BRINP1: variants seen among roughly 807,000 people sequenced by gnomAD.
BRINP1 encodes BMP/retinoic acid inducible neural specific 1.
BRINP1 carries 17 observed loss-of-function variants against 72.9 expected under a neutral mutation model. The ratio of observed to expected loss-of-function variants is 0.23; its 90% CI spans 0.16 to 0.35. The LOEUF is 0.35. BRINP1 is among the 10% of genes least tolerant of loss of function. The probability of loss-of-function intolerance (pLI) is 1.00; values close to 1 mark genes in which losing one functional copy is unlikely to be tolerated. For missense variants in BRINP1, 850 were observed against 1,001.6 expected (o/e 0.85, Z 2.04); for synonymous variants, 418 against 378.5 (o/e 1.10, Z -1.21).
chr9:119,214,729 GA>G (rs1215676684), intron 5 of BRINP1, among the ~76,000 whole-genome samples: 7 of 152,120 alleles, frequency 4.6e-5, no homozygotes, highest in African/African-American at 1.7e-4. Flanking sequence ...AACAGCAGAA[GA>G]CTGCAAATAA....
intron 1 of BRINP1, among the ~76,000 whole-genome samples, chr9:119,339,798 C>G (rs547847168): frequency 7.7e-4 from 117 of 152,332 alleles, no homozygotes; most frequent in Non-Finnish European, 3.8e-4. Context: ...CCCACTACAG[C>G]ACAGCAAATG....
chr9:119,328,164 G>A (rs1831258293), intron 1 of BRINP1, among the ~76,000 whole-genome samples: 1 of 152,172 alleles, frequency 6.6e-6, no homozygotes, highest in Non-Finnish European at 1.5e-5. Context: ...CAAAGCCAGG[G>A]GAGCAGGGGT....
intron 2 of BRINP1, among the ~76,000 whole-genome samples, chr9:119,294,820 C>T (rs906825006): frequency 6.9e-6 from 1 of 144,244 alleles, no homozygotes; most frequent in African/African-American, 2.5e-5. Context: ...CACACCACTG[C>T]ACTCTAGCCT....
intron 1 of BRINP1, among the ~76,000 whole-genome samples, chr9:119,340,230 A>C (rs888196487): frequency 1.3e-5 from 2 of 152,232 alleles, no homozygotes; most frequent in Non-Finnish European, 1.5e-5. Context: ...AAAAATAAAA[A>C]TGGAACAAAG....
chr9:119,250,122 G>A (rs1324396808), intron 2 of BRINP1, among the ~76,000 whole-genome samples: 5 of 93,098 alleles, frequency 5.4e-5, no homozygotes, highest in Non-Finnish European at 1.1e-4. Flanking sequence ...GGGAGGGAGG[G>A]AAGGAGGGAG....
At chr9:119,287,467 G>A (rs1375273900) in intron 2 of BRINP1, among the ~76,000 whole-genome samples, 1 of 152,140 alleles carries the variant, frequency 6.6e-6, no homozygotes, top group African/African-American at 2.4e-5. Flanking sequence ...ATAATCACAT[G>A]TCTACACTAG....
At chr9:119,207,021 G>A (rs184661176) in intron 7 of BRINP1, among the ~76,000 whole-genome samples, 1 of 152,288 alleles carries the variant, frequency 6.6e-6, no homozygotes, top group East Asian at 1.9e-4. Context: ...GGAGGGAATA[G>A]GGAAAACAGA....
intron 2 of BRINP1, among the ~76,000 whole-genome samples, chr9:119,273,403 T>G (rs926056857): frequency 1.3e-5 from 2 of 152,152 alleles, no homozygotes; most frequent in African/African-American, 4.8e-5. Context: ...GGCACTCAGA[T>G]GGGCAGAATC....
chr9:119,300,448 A>C (rs1303472121), intron 2 of BRINP1, among the ~76,000 whole-genome samples: 1 of 152,212 alleles, frequency 6.6e-6, no homozygotes, highest in African/African-American at 2.4e-5. Flanking sequence ...ATTACTATGC[A>C]TTGCATACCT....
intron 1 of BRINP1, among the ~76,000 whole-genome samples, chr9:119,337,549 G>A (rs1460803942): frequency 6.6e-6 from 1 of 152,176 alleles, no homozygotes; most frequent in African/African-American, 2.4e-5. Context: ...GTGACTATAG[G>A]CTTACAGGAT....
chr9:119,214,194 A>T (rs1375122451), intron 5 of BRINP1, 39 bp from the exon 6 acceptor site: 4 of 1,468,932 alleles, frequency 2.7e-6, no homozygotes, highest in South Asian at 1.2e-5. Flanking sequence ...AGAAAGGTTT[A>T]AAAAAAGGTG....
chr9:119,202,962 G>A (rs10984435), intron 7 of BRINP1, among the ~76,000 whole-genome samples: 14,117 of 151,954 alleles, frequency 0.093, 1,184 homozygotes, highest in African/African-American at 0.23. Context: ...TTACCTACAG[G>A]GAACATGTCT....
At chr9:119,357,953 A>G (rs1831585675) in intron 1 of BRINP1, among the ~76,000 whole-genome samples, 1 of 152,214 alleles carries the variant, frequency 6.6e-6, no homozygotes. Flanking sequence ...CAGAACATAC[A>G]TACATACAGA....
In BRINP1 at chr9:119,318,947, G is replaced by A. The variant is rs186405842; in HGVS notation, c.-50-5542C>T. On this transcript the variant is annotated intron_variant, in intron 1 of 7. Transcript: ENST00000265922. ...AGCTGAAATTTGGAAGATTTAACTCGTACTTCCCAAGTGTGGACCTTTTGC... is the reference window on the plus strand; with the variant it reads ...AGCTGAAATTTGGAAGATTTAACTCATACTTCCCAAGTGTGGACCTTTTGC... 4.0e-5 allele frequency among the ~76,000 whole-genome samples: 6 copies of A among 149,906 alleles called. No homozygotes were observed. In the East Asian group the frequency reaches 1.2e-3, roughly 30 times the overall value.
intron 1 of BRINP1, among the ~76,000 whole-genome samples, chr9:119,367,219 T>TATATA (rs1219045184): frequency 3.9e-4 from 22 of 56,506 alleles, no homozygotes; most frequent in Admixed American, 1.3e-3. Flanking sequence ...GTGTGTGTGA[T>TATATA]TGATATATAT....
At chr9:119,290,447 C>T (rs975570157) in intron 2 of BRINP1, among the ~76,000 whole-genome samples, 22 of 152,136 alleles carry the variant, frequency 1.4e-4, no homozygotes, top group Non-Finnish European at 5.9e-5. Context: ...GTTTAGTCCC[C>T]TGACCAATGA....
chr9:119,280,756 T>C (rs879743344), intron 2 of BRINP1, among the ~76,000 whole-genome samples: 5 of 152,134 alleles, frequency 3.3e-5, no homozygotes, highest in Admixed American at 6.6e-5. Context: ...CTGTCCTCAA[T>C]AGCAATCTAG....
chr9:119,305,842 A>G (rs1211675352), intron 2 of BRINP1, among the ~76,000 whole-genome samples: 2 of 152,166 alleles, frequency 1.3e-5, no homozygotes, highest in Non-Finnish European at 2.9e-5. Flanking sequence ...TCTTCCCTCT[A>G]TCCCCAGGAA....
At chr9:119,231,761 C>T (rs1428162706) in intron 5 of BRINP1, among the ~76,000 whole-genome samples, 1 of 151,986 alleles carries the variant, frequency 6.6e-6, no homozygotes, top group African/African-American at 2.4e-5. Context: ...TCTTGTCTCT[C>T]TTCTTACTTT....
Sources: allele counts gnomAD v4.1 joint callset (sites outside exome capture counted in the v4.1 genomes callset), GRCh38; gene constraint gnomAD v4.1.1; transcripts MANE v1.5; gene names NCBI Gene and HGNC (gene_info 2026-07-23, HGNC 2026-07-21).